ENTPD5: variants seen among roughly 807,000 people sequenced by gnomAD.
ENTPD5 encodes nucleoside diphosphate phosphatase ENTPD5.
In ENTPD5, 49 loss-of-function variants were observed where a neutral mutation model predicts 60.2. The observed-to-expected ratio is 0.81, with a 90% CI of 0.65 to 1.03. The LOEUF is 1.03. Ranked by LOEUF, ENTPD5 falls within the 50% of genes least tolerant of loss-of-function variation. ENTPD5 has a pLI of 0.00. For missense variants in ENTPD5, 480 were observed against 507.6 expected (o/e 0.95, Z 0.52); for synonymous variants, 187 against 185.4 (o/e 1.01, Z -0.07).
chr14:73,957,887 C>T (rs768931479), downstream of ENTPD5: 17 of 442,832 alleles, frequency 3.8e-5, no homozygotes, highest in Admixed American at 3.4e-5. Context: ...AAAATGGAGG[C>T]GCAGAAGCAT....
chr14:73,981,624 T>G (rs1224398234), intron 6 of ENTPD5, among the ~76,000 whole-genome samples: 1 of 151,892 alleles, frequency 6.6e-6, no homozygotes, highest in Admixed American at 6.6e-5. Flanking sequence ...GGCAACATGG[T>G]GAAACCCTAT....
intron 6 of ENTPD5, among the ~76,000 whole-genome samples, chr14:73,978,625 C>T (rs988010630): frequency 6.7e-6 from 1 of 149,284 alleles, no homozygotes; most frequent in Non-Finnish European, 1.5e-5. Flanking sequence ...CAAAACAAAA[C>T]GCCAAAAAAC....
chr14:73,977,302 C>T lies in ENTPD5; in HGVS notation c.514G>A (p.Glu172Lys), dbSNP rs775262876. The T allele has an allele frequency of 4.3e-6, 7 of 1,610,966 alleles. No homozygotes were observed. The highest frequency in any genetic ancestry group is 2.2e-5 in the East Asian group (1 of 44,848). ...GSVSIMDGSD[E>K]GILAWVTVNF... ...CGCATATCAACACCTCTCCCACCTTCGTCGGATCCATCCATGATGCTAACA... is the reference window on the plus strand; with the variant it reads ...CGCATATCAACACCTCTCCCACCTTTGTCGGATCCATCCATGATGCTAACA... The change falls in exon 7 of 16, where the codon GAA becomes AAA. Residue 172 changes from glutamate (E) to lysine (K), a missense_variant. Physicochemically the swap from Glu to Lys is moderately conservative, Grantham distance 56. Coordinates refer to ENST00000334696, the MANE Select transcript of ENTPD5 (RefSeq NM_001249.5).
intron 15 of ENTPD5, among the ~76,000 whole-genome samples, chr14:73,969,748 G>A (rs2057140896): frequency 7.8e-6 from 1 of 128,874 alleles, no homozygotes; most frequent in African/African-American, 2.7e-5. Context: ...TAAACCATGT[G>A]ACTTGGCATC....
chr14:73,979,625 C>T (rs936767133), intron 6 of ENTPD5, among the ~76,000 whole-genome samples: 11 of 152,000 alleles, frequency 7.2e-5, no homozygotes, highest in Non-Finnish European at 1.0e-4. Context: ...GTGCCTACCA[C>T]CACGCCTGGC....
At chr14:73,980,232 C>G (rs1447107109) in intron 6 of ENTPD5, among the ~76,000 whole-genome samples, 2 of 150,480 alleles carry the variant, frequency 1.3e-5, no homozygotes, top group African/African-American at 4.9e-5. Flanking sequence ...CAGGCATGAG[C>G]CACCGCGCCT....
intron 3 of ENTPD5, among the ~76,000 whole-genome samples, chr14:73,993,115 T>C (rs779269957): frequency 3.3e-5 from 5 of 152,082 alleles, no homozygotes; most frequent in Non-Finnish European, 5.9e-5. Context: ...GGTGAGTGGA[T>C]TGTTTGAGGT....
At chr14:73,955,790 C>T (rs567355470), downstream of ENTPD5, 2 of 1,614,098 alleles carry the variant, frequency 1.2e-6, no homozygotes, top group African/African-American at 2.7e-5. Flanking sequence ...GCAGACTTTC[C>T]TTTTGTGTTT....
downstream of ENTPD5, chr14:73,960,268 A>G (rs34468446): frequency 0.12 from 121,310 of 986,298 alleles, 7,923 homozygotes; most frequent in East Asian, 0.21. Context: ...ACTGCTCAGG[A>G]TTGAATAAAG....
At chr14:73,962,940 G>C, downstream of ENTPD5, 1 of 1,555,174 alleles carries the variant, frequency 6.4e-7, no homozygotes, top group Admixed American at 1.7e-5. Flanking sequence ...ACTGTGTTAA[G>C]AGTTTCATTC....
chr14:74,009,192 C>G (rs559528761), intron 3 of ENTPD5: 1 of 152,274 alleles, frequency 6.6e-6, no homozygotes, highest in Admixed American at 6.5e-5. Context: ...GAATCAAAGT[C>G]CTTTAGATAA....
At chr14:73,972,038 C>G in intron 13 of ENTPD5, 130 bp from the exon 14 acceptor site, 3 of 682,600 alleles carry the variant, frequency 4.4e-6, no homozygotes, top group Non-Finnish European at 7.8e-6. Flanking sequence ...TATTTACAAT[C>G]TATTCCATGT....
chr14:74,012,183 C>G (rs1175607349), intron 2 of ENTPD5, among the ~76,000 whole-genome samples: 2 of 152,150 alleles, frequency 1.3e-5, no homozygotes, highest in African/African-American at 4.8e-5. Context: ...CGGCTCACTG[C>G]AACCTCCGCC....
chr14:73,969,860 A>G (rs1421993707), intron 15 of ENTPD5, 150 bp downstream of exon 15: 2 of 530,810 alleles, frequency 3.8e-6, no homozygotes, highest in Non-Finnish European at 6.8e-6. Flanking sequence ...TCCCACATTC[A>G]TGGTGCCCAG....
At chr14:74,003,780 AAAAAAAAGAAAAAG>A (rs1389775849) in intron 3 of ENTPD5, among the ~76,000 whole-genome samples, 1 of 151,970 alleles carries the variant, frequency 6.6e-6, no homozygotes, top group Non-Finnish European at 1.5e-5. Flanking sequence ...TGAAGAATCA[AAAAAAAAGAAAAAG>A]AAAAAAAGAA....
At chr14:74,005,364 C>CAAAA (rs35560902) in intron 3 of ENTPD5, among the ~76,000 whole-genome samples, 50,097 of 116,994 alleles carry the variant, frequency 0.43, 12,575 homozygotes, top group Non-Finnish European at 0.49. Context: ...GACTCGGTCT[C>CAAAA]AAAAAAAAAG....
chr14:73,958,426 G>A, downstream of ENTPD5: 1 of 1,509,562 alleles, frequency 6.6e-7, no homozygotes, highest in Non-Finnish European at 8.9e-7. Flanking sequence ...GCCAGCTCAA[G>A]TGGAGATGGT....
rs1395516101 is a variant in ENTPD5 at position 73,970,091 on chromosome 14, A to T, written c.1119T>A (p.Ser373Arg). Residue 373 changes from serine to arginine, a missense_variant, in exon 15 of 16, where the codon AGT becomes AGA. Physicochemically the swap from Ser to Arg is moderately radical, Grantham distance 110 (BLOSUM62 -1). Transcript: ENST00000334696. ...CDNLENFTSG[S>R]PFLCMDLSYI... is the part of the protein sequence containing the mutation. ...AGCTGAGATCCATGCACAGGAAAGG[A>T]CTGCCTGAGGTGAAGTTTTCCAAGT... The T allele has an allele frequency of 1.9e-6, 3 of 1,613,834 alleles. No individual in the cohort carries two copies. In the African/African-American group the frequency reaches 4.0e-5, roughly 22 times the overall value.
At chr14:73,981,237 A>T (rs1186500465) in intron 6 of ENTPD5, among the ~76,000 whole-genome samples, 1 of 152,106 alleles carries the variant, frequency 6.6e-6, no homozygotes, top group Non-Finnish European at 1.5e-5. Context: ...GCAGTGGCTC[A>T]CGTCTGTAAT....
Sources: allele counts gnomAD v4.1 joint callset (sites outside exome capture counted in the v4.1 genomes callset), GRCh38; gene constraint gnomAD v4.1.1; transcripts MANE v1.5; gene names NCBI Gene and HGNC (gene_info 2026-07-23, HGNC 2026-07-21).